The following IFNLR1 variants were observed in gnomAD, a reference collection of about 807,000 sequenced individuals.
IFNLR1 encodes CRF2-12.
In IFNLR1, 28 loss-of-function variants were observed where a neutral mutation model predicts 52.5. That is an observed-to-expected ratio of 0.53 (90% confidence interval 0.40 to 0.73). The LOEUF is 0.73. IFNLR1 is among the 30% of genes least tolerant of loss of function. The pLI, the probability that IFNLR1 is intolerant of heterozygous loss-of-function variation, is 0.00. For missense variants in IFNLR1, 623 were observed against 659.1 expected (o/e 0.95, Z 0.60); for synonymous variants, 276 against 274.9 (o/e 1.00, Z -0.04).
intron 1 of IFNLR1, among the ~76,000 whole-genome samples, chr1:24,186,566 C>T (rs1026914586): frequency 1.3e-5 from 2 of 152,094 alleles, no homozygotes; most frequent in African/African-American, 2.4e-5. Flanking sequence ...ACCTTCTCTT[C>T]CCTGCTTCGG....
intron 2 of IFNLR1, 116 bp from the exon 3 acceptor site, chr1:24,169,717 C>T (rs1179893112): frequency 1.6e-5 from 17 of 1,090,288 alleles, no homozygotes; most frequent in Non-Finnish European, 2.0e-5. Context: ...TAGGTCCATC[C>T]GTCCAGACAG....
chr1:24,176,026 G>A (rs1191227493), intron 2 of IFNLR1, among the ~76,000 whole-genome samples: 3 of 152,102 alleles, frequency 2.0e-5, no homozygotes, highest in Admixed American at 2.0e-4. Context: ...GAGGCCAGAG[G>A]GCAAGCATAT....
At chr1:24,164,068 A>G (rs1333549870) in intron 3 of IFNLR1, among the ~76,000 whole-genome samples, 1 of 152,184 alleles carries the variant, frequency 6.6e-6, no homozygotes, top group Admixed American at 6.5e-5. Context: ...CAGCAAAACT[A>G]AAGTTTTCTG....
intron 1 of IFNLR1, among the ~76,000 whole-genome samples, chr1:24,186,636 G>T (rs565799674): frequency 6.6e-6 from 1 of 151,972 alleles, no homozygotes; most frequent in Non-Finnish European, 1.5e-5. Flanking sequence ...TTTTGTACCT[G>T]ACACCTTACT....
At chr1:24,181,533 G>A (rs181224216) in intron 1 of IFNLR1, among the ~76,000 whole-genome samples, 1 of 152,308 alleles carries the variant, frequency 6.6e-6, no homozygotes, top group Non-Finnish European at 1.5e-5. Flanking sequence ...ATTGCCACAA[G>A]CTCTCACTTT....
chr1:24,185,299 A>G (rs1004409451), intron 1 of IFNLR1, among the ~76,000 whole-genome samples: 1 of 152,162 alleles, frequency 6.6e-6, no homozygotes, highest in Non-Finnish European at 1.5e-5. Context: ...CATGGGGTCT[A>G]TTGAGCTTTA....
Position 24,162,881 on chromosome 1 carries a change from TTCCTTCC to T in IFNLR1, c.368-1204_368-1198del, listed in dbSNP as rs1557644388. Among the ~76,000 whole-genome samples the T allele has an allele frequency of 3.1e-3, 199 of 64,284 alleles. 1 individual carries two copies. The highest frequency in any genetic ancestry group is 0.015 in the East Asian group (20 of 1,298). The allele number at this position is 64,284 out of a possible 152,430, so 42.2% of individuals were successfully genotyped here. ...TTTCTTTCTTTCTTTCTTTCTTTCC[TTCCTTCC>T]TTCCTTCCTTCCTTCCTTCCTTCCT... On this transcript the variant is annotated intron_variant, in intron 3 of 6. Coordinates refer to ENST00000327535, the MANE Select transcript of IFNLR1 (RefSeq NM_170743.4).
intron 4 of IFNLR1, among the ~76,000 whole-genome samples, 157 bp from the exon 5 acceptor site, chr1:24,159,790 C>T (rs1162885725): frequency 6.9e-6 from 1 of 145,174 alleles, no homozygotes; most frequent in East Asian, 2.1e-4. Context: ...GTCACCCAGG[C>T]CAAAGTGCAG....
At chr1:24,179,474 AC>A (rs1253581456) in intron 2 of IFNLR1, among the ~76,000 whole-genome samples, 2 of 152,274 alleles carry the variant, frequency 1.3e-5, no homozygotes, top group South Asian at 4.1e-4. Flanking sequence ...GCACCTGATA[AC>A]GCTCTTGCTT....
At chr1:24,177,027 T>C (rs2148600360) in intron 2 of IFNLR1, among the ~76,000 whole-genome samples, 1 of 152,134 alleles carries the variant, frequency 6.6e-6, no homozygotes, top group East Asian at 1.9e-4. Context: ...TAAGAAAACC[T>C]TCCTAAAATA....
chr1:24,172,797 G>A (rs1335455202), intron 2 of IFNLR1, among the ~76,000 whole-genome samples: 1 of 152,170 alleles, frequency 6.6e-6, no homozygotes, highest in Non-Finnish European at 1.5e-5. Flanking sequence ...GAGGCTGGAA[G>A]TCCAAGATCA....
intron 1 of IFNLR1, among the ~76,000 whole-genome samples, chr1:24,182,954 C>T (rs1428420107): frequency 7.1e-6 from 1 of 140,856 alleles, no homozygotes; most frequent in African/African-American, 2.6e-5. Context: ...AATAAGTAAA[C>T]ACAACATCTG....
In IFNLR1 at chr1:24,159,188, G is replaced by T. The variant is rs1164545226; in HGVS notation, c.671-6C>A. 1 of 1,613,528 alleles carries T rather than the reference G, an allele frequency of 6.2e-7. No homozygotes were observed. Among genetic ancestry groups the T allele is most frequent in the Admixed American group, 1.7e-5 (1 of 59,848 alleles). On this transcript the variant is annotated splice_polypyrimidine_tract_variant and splice_region_variant and intron_variant, in intron 5 of 6. Coordinates refer to ENST00000327535, the MANE Select transcript of IFNLR1 (RefSeq NM_170743.4). The stretch of plus-strand genomic sequence containing the variant: ...CAGGAAAGCCCAGTTGGCTTCTAAG[G>T]AAGGAAAAATAACAATGAGAGAAAC...
intron 1 of IFNLR1, among the ~76,000 whole-genome samples, chr1:24,182,781 G>A (rs1321152783): frequency 6.6e-6 from 1 of 152,038 alleles, no homozygotes; most frequent in African/African-American, 2.4e-5. Context: ...TTAGCCAGGC[G>A]TGGTGGTGCA....
intron 2 of IFNLR1, 55 bp downstream of exon 2, chr1:24,180,676 G>GCCCCCCCCCCCCCC: frequency 4.4e-6 from 2 of 455,866 alleles, no homozygotes; most frequent in South Asian, 1.8e-5. Context: ...AGCCCCTCCA[G>GCCCCCCCCCCCCCC]CCCCCACCCA....
chr1:24,169,608 G>C lies in IFNLR1; in HGVS notation c.183-7C>G. On this transcript the variant is annotated splice_polypyrimidine_tract_variant and splice_region_variant and intron_variant, in intron 2 of 6. Transcript: ENST00000327535. ...CCGTCTACGGGTGGGAGAGCTGGGGGAGGAGAGAGGAGAGCTTGGGCCATG... is the reference window on the plus strand; with the variant it reads ...CCGTCTACGGGTGGGAGAGCTGGGGCAGGAGAGAGGAGAGCTTGGGCCATG... The C allele has an allele frequency of 6.2e-7, 1 of 1,610,030 alleles. No individual in the cohort carries two copies. Among genetic ancestry groups the C allele is most frequent in the Non-Finnish European group, 8.5e-7 (1 of 1,177,944 alleles).
chr1:24,178,859 A>G (rs1644660245), intron 2 of IFNLR1, among the ~76,000 whole-genome samples: 1 of 152,220 alleles, frequency 6.6e-6, no homozygotes, highest in Non-Finnish European at 1.5e-5. Context: ...AAATAATTCC[A>G]ACTAACAAAT....
At chr1:24,166,792 A>G (rs527942239) in intron 3 of IFNLR1, among the ~76,000 whole-genome samples, 15 of 151,552 alleles carry the variant, frequency 9.9e-5, no homozygotes, top group Admixed American at 2.6e-4. Flanking sequence ...GGCTCAAGTG[A>G]TCTGCCTACC....
intron 3 of IFNLR1, among the ~76,000 whole-genome samples, chr1:24,168,945 T>C (rs962020630): frequency 1.3e-5 from 2 of 152,150 alleles, no homozygotes; most frequent in African/African-American, 4.8e-5. Context: ...GGTTTTGCCA[T>C]GTTGGCCAGG....
Sources: gnomAD v4.1 joint callset for allele counts (sites outside exome capture counted in the v4.1 genomes callset) on GRCh38, gnomAD v4.1.1 for gene constraint, MANE v1.5 for transcripts, NCBI Gene and HGNC (gene_info 2026-07-23, HGNC 2026-07-21) for gene names.